The following PPP3CB variants were observed in gnomAD, a reference collection of about 807,000 sequenced individuals.
PPP3CB encodes the protein protein phosphatase 3 catalytic subunit beta.
A neutral mutation model predicts 66.4 loss-of-function variants in PPP3CB; 8 were observed. The ratio of observed to expected loss-of-function variants is 0.12; its 90% CI spans 0.07 to 0.22. The LOEUF is 0.22. Among genes scored for constraint, PPP3CB ranks in the 10% least tolerant of loss-of-function variants. PPP3CB has a pLI of 1.00. For synonymous variants in PPP3CB, 208 were observed against 221.2 expected, an observed-to-expected ratio of 0.94 and a Z score of 0.53; for missense variants, 319 against 642.5, an observed-to-expected ratio of 0.50 and a Z score of 5.44.
chr10:73,457,171 A>G (rs185299896), intron 9 of PPP3CB, among the ~76,000 whole-genome samples: 254 of 148,978 alleles, frequency 1.7e-3, no homozygotes, highest in African/African-American at 6.0e-3. Context: ...AATCCCAGCT[A>G]CCTGGGAGAA....
At chr10:73,455,108 C>T (rs1303589982) in intron 9 of PPP3CB, among the ~76,000 whole-genome samples, 3 of 151,900 alleles carry the variant, frequency 2.0e-5, no homozygotes, top group Non-Finnish European at 4.4e-5. Context: ...TGGTCTCGAA[C>T]TCCTAACCTC....
At chr10:73,444,519 T>C in intron 12 of PPP3CB, 1 of 1,474,500 alleles carries the variant, frequency 6.8e-7, no homozygotes, top group Non-Finnish European at 9.1e-7. Context: ...TATTTTCAAT[T>C]GAAAGGAATA....
intron 11 of PPP3CB, 80 bp from the exon 12 acceptor site, chr10:73,444,902 G>A (rs185947070): frequency 1.5e-6 from 2 of 1,345,406 alleles, no homozygotes; most frequent in African/African-American, 2.9e-5. Context: ...TCTAGATATA[G>A]GCCATATATA....
At chr10:73,482,497 C>A (rs1212628995) in intron 1 of PPP3CB, among the ~76,000 whole-genome samples, 8 of 129,634 alleles carry the variant, frequency 6.2e-5, no homozygotes, top group Admixed American at 5.2e-4. Context: ...GAGCCGAGAT[C>A]GCGCCACTGC....
chr10:73,469,022 G>A (rs768440473), intron 8 of PPP3CB, among the ~76,000 whole-genome samples: 3 of 152,092 alleles, frequency 2.0e-5, no homozygotes, highest in Non-Finnish European at 4.4e-5. Context: ...ACTACAAAGA[G>A]ACATCTGATT....
chr10:73,495,830 A>AGGGGGCGGCGGGGGCGGGGGT lies in PPP3CB; in HGVS notation c.39_59dup (p.Pro15_Pro21dup). 1.1e-6 allele frequency: 1 copy of AGGGGGCGGCGGGGGCGGGGGT among 938,300 alleles called. No individual in the cohort carries two copies. Among genetic ancestry groups the AGGGGGCGGCGGGGGCGGGGGT allele is most frequent in the Non-Finnish European group, 1.5e-6 (1 of 680,902 alleles). The allele number at this position is 938,300 out of a possible 1,614,324, so 58.1% of individuals were successfully genotyped here. ...CTTTGACGACGCGGTCAGCCCCGGG[A>AGGGGGCGGCGGGGGCGGGGGT]GGGGGCGGCGGGGGCGGGGGTGGGG... On this transcript the variant is annotated inframe_insertion, in exon 1 of 14. Coordinates refer to ENST00000360663, the MANE Select transcript of PPP3CB (RefSeq NM_021132.4).
At chr10:73,455,538 T>A (rs1315100215) in intron 9 of PPP3CB, among the ~76,000 whole-genome samples, 1 of 152,186 alleles carries the variant, frequency 6.6e-6, no homozygotes, top group East Asian at 1.9e-4. Flanking sequence ...GACCTCTCCT[T>A]CAGGCTCTAG....
In PPP3CB at chr10:73,462,140, CTTTTTTT is replaced by C. The variant is rs1019088638; in HGVS notation, c.1108+5406_1108+5412del. ...GAACCACGAGCCAATTAAACTCCTT[CTTTTTTT>C]TTTTTTTTTTTTTTTTTTTCAGATA... On this transcript the variant is annotated intron_variant, in intron 9 of 13. Coordinates refer to ENST00000360663, the MANE Select transcript of PPP3CB (RefSeq NM_021132.4). 3.7e-4 allele frequency among the ~76,000 whole-genome samples: 35 copies of C among 94,214 alleles called. 1 individual carries two copies. Among genetic ancestry groups the C allele is most frequent in the East Asian group, 8.8e-4 (3 of 3,428 alleles). The allele number at this position is 94,214 out of a possible 152,430, so 61.8% of individuals were successfully genotyped here.
At chr10:73,494,538 G>A (rs966026778) in intron 1 of PPP3CB, among the ~76,000 whole-genome samples, 3 of 151,952 alleles carry the variant, frequency 2.0e-5, no homozygotes, top group African/African-American at 7.2e-5. Context: ...CAAGCGATCC[G>A]CCTGCCTCAG....
At chr10:73,471,383 CAGTGA>C (rs763600243) in intron 5 of PPP3CB, 80 bp downstream of exon 5, 137 of 1,425,908 alleles carry the variant, frequency 9.6e-5, no homozygotes, top group Non-Finnish European at 1.3e-4. Flanking sequence ...CTAATCTTGG[CAGTGA>C]AGTGAAGTTT....
At position 73,459,465 on chromosome 10, in the gene PPP3CB, G is replaced by A. The variant is rs113706082; in HGVS notation, c.1109-4976C>T. 1.2e-3 allele frequency among the ~76,000 whole-genome samples: 186 copies of A among 152,334 alleles called. 2 individuals carry two copies. In the Middle Eastern group the frequency reaches 0.014, roughly 11 times the overall value. On this transcript the variant is annotated intron_variant, in intron 9 of 13. Transcript: ENST00000360663. ...CGCGCCACTGCGCTCCAGCCTGGGCGACAGAGCAAGATTCTGTCTCAAAAA... is the reference window on the plus strand; with the variant it reads ...CGCGCCACTGCGCTCCAGCCTGGGCAACAGAGCAAGATTCTGTCTCAAAAA...
At chr10:73,457,461 C>T (rs1205820971) in intron 9 of PPP3CB, among the ~76,000 whole-genome samples, 5 of 151,542 alleles carry the variant, frequency 3.3e-5, no homozygotes, top group African/African-American at 9.7e-5. Flanking sequence ...TGAAAGTCAG[C>T]TAGGCCGGGG....
At chr10:73,457,550 C>T (rs1400710496) in intron 9 of PPP3CB, among the ~76,000 whole-genome samples, 1 of 151,672 alleles carries the variant, frequency 6.6e-6, no homozygotes, top group Non-Finnish European at 1.5e-5. Flanking sequence ...TCAGCCTTAC[C>T]AACATGGTGA....
intron 9 of PPP3CB, among the ~76,000 whole-genome samples, chr10:73,461,212 C>T (rs1390383987): frequency 6.6e-6 from 1 of 152,162 alleles, no homozygotes; most frequent in African/African-American, 2.4e-5. Flanking sequence ...TTTGGGAGGT[C>T]GAGGTGCATG....
At chr10:73,467,524 C>G in intron 9 of PPP3CB, 29 bp downstream of exon 9, 1 of 1,449,072 alleles carries the variant, frequency 6.9e-7, no homozygotes, top group Admixed American at 2.9e-5. Flanking sequence ...AGTAATAAAA[C>G]AAATTTTTTT....
chr10:73,444,936 T>C, intron 11 of PPP3CB, 114 bp from the exon 12 acceptor site: 1 of 1,054,050 alleles, frequency 9.5e-7, no homozygotes, highest in Non-Finnish European at 1.3e-6. Flanking sequence ...TCATTGCTAT[T>C]ACCATATTTT....
chr10:73,446,803 C>A (rs927084532), intron 10 of PPP3CB, among the ~76,000 whole-genome samples: 1 of 152,078 alleles, frequency 6.6e-6, no homozygotes. Context: ...AAAAAGTAAT[C>A]CACAAACTTT....
At chr10:73,482,863 C>T (rs978192415) in intron 1 of PPP3CB, among the ~76,000 whole-genome samples, 4 of 152,154 alleles carry the variant, frequency 2.6e-5, no homozygotes, top group African/African-American at 9.7e-5. Context: ...GGTGATCCGC[C>T]TGCCTTGGCC....
chr10:73,459,624 T>C (rs2056488539), intron 9 of PPP3CB, among the ~76,000 whole-genome samples: 1 of 152,250 alleles, frequency 6.6e-6, no homozygotes, highest in African/African-American at 2.4e-5. Flanking sequence ...TAGACTACTA[T>C]TCCATCATAA....
Sources: gnomAD v4.1 joint callset for allele counts (sites outside exome capture counted in the v4.1 genomes callset) on GRCh38, gnomAD v4.1.1 for gene constraint, MANE v1.5 for transcripts, NCBI Gene and HGNC (gene_info 2026-07-23, HGNC 2026-07-21) for gene names.